Variants in DNAH14 observed in about 807,000 individuals in gnomAD.
DNAH14 encodes the protein axonemal beta dynein heavy chain 14.
Under a neutral mutation model 520.9 loss-of-function variants are expected in DNAH14, and 478 were observed. The observed-to-expected ratio is 0.92, with a 90% confidence interval of 0.85 to 0.99. The LOEUF is 0.99. Ranked by LOEUF, DNAH14 falls within the 50% of genes least tolerant of loss-of-function variation. DNAH14 has a pLI of 0.00. For missense variants in DNAH14, 4,831 were observed against 5,234.5 expected (o/e 0.92, Z 2.38); for synonymous variants, 1,581 against 1,757.2 (o/e 0.90, Z 2.51).
intron 27 of DNAH14, among the ~76,000 whole-genome samples, chr1:225,135,743 T>C (rs2078895906): frequency 6.6e-6 from 1 of 152,172 alleles, no homozygotes; most frequent in South Asian, 2.1e-4. Context: ...ATCTGTCTAA[T>C]ATTGTCAGAG....
At chr1:225,340,434 A>G (rs376151654) in intron 68 of DNAH14, 23 bp from the exon 69 acceptor site, 1 of 1,511,760 alleles carries the variant, frequency 6.6e-7, no homozygotes, top group Non-Finnish European at 8.9e-7. Flanking sequence ...TCTTTGAATA[A>G]CTGGTGCCTT....
intron 10 of DNAH14, among the ~76,000 whole-genome samples, chr1:225,010,449 T>G (rs189093227): frequency 6.6e-6 from 1 of 152,314 alleles, no homozygotes; most frequent in Non-Finnish European, 1.5e-5. Context: ...TGAACCTGAC[T>G]TAATCTTGGT....
At chr1:225,056,195 C>T (rs944712214) in intron 17 of DNAH14, among the ~76,000 whole-genome samples, 2 of 152,070 alleles carry the variant, frequency 1.3e-5, no homozygotes, top group African/African-American at 2.4e-5. Flanking sequence ...TCTCCAGCAC[C>T]TGTTGTTTCC....
At position 225,259,325 on chromosome 1, in the gene DNAH14, G is replaced by GT. The variant is rs891743794; in HGVS notation, c.7157+77dup. ...TGTGCTTTAATATATAAATATGCCT[G>GT]TTTTTAAAAAAAGCAAATCTGTTAT... On this transcript the variant is annotated intron_variant, in intron 46 of 85. Transcript: ENST00000682510. 14 of 1,114,106 alleles carry GT rather than the reference G, an allele frequency of 1.3e-5. 1 individual carries two copies. In the African/African-American group the frequency reaches 2.3e-4, roughly 18 times the overall value. 69.0% of individuals were successfully genotyped at this position (1,114,106 alleles called of 1,614,324 possible).
chr1:225,335,330 CG>C lies in DNAH14; in HGVS notation c.10080+1825del, dbSNP rs1558426820. 3.6e-4 allele frequency among the ~76,000 whole-genome samples: 32 copies of C among 88,660 alleles called. 1 individual carries two copies. The South Asian group carries it at 5.8e-3, about 16-fold the overall frequency. 58.2% of individuals were successfully genotyped at this position (88,660 alleles called of 152,430 possible). On this transcript the variant is annotated intron_variant, in intron 66 of 85. Coordinates refer to ENST00000682510, the MANE Select transcript of DNAH14 (RefSeq NM_001367479.1). ...ACACGTGTGTATATGCACATATACA[CG>C]TGTGTACATGTGTGTGTATATGCAT...
chr1:225,056,567 GC>G (rs1236455962), intron 17 of DNAH14, among the ~76,000 whole-genome samples: 1 of 152,172 alleles, frequency 6.6e-6, no homozygotes, highest in Admixed American at 6.5e-5. Context: ...GGCTTCTGTT[GC>G]CATCGCTTTT....
intron 17 of DNAH14, among the ~76,000 whole-genome samples, chr1:225,060,186 C>T (rs2069827740): frequency 6.6e-6 from 1 of 152,158 alleles, no homozygotes; most frequent in South Asian, 2.1e-4. Context: ...CACATAGTCC[C>T]ATATTTCTTG....
intron 55 of DNAH14, 94 bp downstream of exon 55, chr1:225,290,176 A>T (rs2093834846): frequency 2.3e-6 from 2 of 866,764 alleles, no homozygotes; most frequent in Non-Finnish European, 3.3e-6. Flanking sequence ...AAAACAAGAA[A>T]ATATTTATCA....
At chr1:225,048,197 G>A (rs2068139161) in intron 15 of DNAH14, among the ~76,000 whole-genome samples, 1 of 152,108 alleles carries the variant, frequency 6.6e-6, no homozygotes. Context: ...TTAGAAAAAT[G>A]CATTTCAAAT....
intron 76 of DNAH14, among the ~76,000 whole-genome samples, chr1:225,366,005 A>T (rs2095548371): frequency 6.6e-6 from 1 of 152,220 alleles, no homozygotes; most frequent in Non-Finnish European, 1.5e-5. Context: ...ATATTAAAAG[A>T]GCACCTACAC....
At chr1:225,147,383 A>G (rs1282106510) in intron 31 of DNAH14, 134 bp downstream of exon 31, 1 of 844,936 alleles carries the variant, frequency 1.2e-6, no homozygotes, top group Non-Finnish European at 1.7e-6. Flanking sequence ...GCACATACCA[A>G]AAGGAATGGC....
rs1298617244 is a variant in DNAH14, at chr1:225,338,101, T to G, written c.10352T>G (p.Leu3451Arg). ...TTAGCTCCAGGCTTAAAGGCAATTC[T>G]GAAAAAGGATATCTATCAGAAAAAA... is the stretch of plus-strand genomic sequence containing the variant. ...ETLAPGLKAI[L>R]KKDIYQKKGH... The change falls in exon 68 of 86, where the codon CTG becomes CGG. Residue 3451 changes from leucine to arginine, a missense_variant. Coordinates refer to ENST00000682510, the MANE Select transcript of DNAH14 (RefSeq NM_001367479.1). 2 of 1,551,246 alleles carry G rather than the reference T, an allele frequency of 1.3e-6. No homozygotes were observed. Among genetic ancestry groups the G allele is most frequent in the Admixed American group, 3.9e-5 (2 of 50,908 alleles).
intron 22 of DNAH14, 28 bp downstream of exon 22, chr1:225,097,267 A>G (rs1340569068): frequency 6.6e-7 from 1 of 1,510,564 alleles, no homozygotes; most frequent in Non-Finnish European, 8.9e-7. Context: ...TACCATATAC[A>G]GGTTCAAAAT....
chr1:225,023,051 G>A (rs1032928130), intron 10 of DNAH14, among the ~76,000 whole-genome samples: 4 of 152,084 alleles, frequency 2.6e-5, no homozygotes, highest in Non-Finnish European at 5.9e-5. Context: ...TTACACATGG[G>A]CAGGAAGATG....
chr1:225,256,413 A>G lies in DNAH14; in HGVS notation c.6866-1547A>G, dbSNP rs2092735706. 2.0e-5 allele frequency among the ~76,000 whole-genome samples: 3 copies of G among 152,304 alleles called. No individual in the cohort carries two copies. In the South Asian group the frequency reaches 6.2e-4, roughly 32 times the overall value. On this transcript the variant is annotated intron_variant, in intron 44 of 85. Transcript: ENST00000682510. Reference sequence around the variant, plus strand: ...CTTCTGTGGGATGGATTTGGGGTCAACTGCGGCAGGATTGGGTAAGAAAAT... The same window carrying G: ...CTTCTGTGGGATGGATTTGGGGTCAGCTGCGGCAGGATTGGGTAAGAAAAT...
At chr1:224,970,960 T>C (rs1272802061) in intron 7 of DNAH14, among the ~76,000 whole-genome samples, 1 of 152,200 alleles carries the variant, frequency 6.6e-6, no homozygotes, top group African/African-American at 2.4e-5. Flanking sequence ...CTCAAATATT[T>C]ATATCATAGT....
chr1:225,375,525 G>A (rs2095686435), intron 78 of DNAH14, among the ~76,000 whole-genome samples: 1 of 152,178 alleles, frequency 6.6e-6, no homozygotes, highest in African/African-American at 2.4e-5. Context: ...CTGGGAGTGG[G>A]CCTGGTATCA....
intron 1 of DNAH14, among the ~76,000 whole-genome samples, chr1:224,942,552 G>A (rs1228788708): frequency 6.6e-6 from 1 of 151,184 alleles, no homozygotes; most frequent in East Asian, 2.0e-4. Context: ...TTGAATAGGA[G>A]TGGTGAGAGA....
intron 1 of DNAH14, among the ~76,000 whole-genome samples, 197 bp downstream of exon 1, chr1:224,930,032 G>T (rs945989107): frequency 6.6e-6 from 1 of 152,136 alleles, no homozygotes; most frequent in Non-Finnish European, 1.5e-5. Context: ...TCCACCAGGC[G>T]CCGGCGCCGC....
Sources: allele counts gnomAD v4.1 joint callset (sites outside exome capture counted in the v4.1 genomes callset), GRCh38; gene constraint gnomAD v4.1.1; transcripts MANE v1.5; gene names NCBI Gene and HGNC (gene_info 2026-07-23, HGNC 2026-07-21).